The following SLC35F1 variants were observed in gnomAD, a reference collection of about 807,000 sequenced individuals.
SLC35F1 encodes solute carrier family 35 member F1, also known as chromosome 6 open reading frame 169.
Under a neutral mutation model 48.7 loss-of-function variants are expected in SLC35F1, and 14 were observed. The ratio of observed to expected loss-of-function variants is 0.29; its 90% CI spans 0.19 to 0.45. SLC35F1 has a LOEUF of 0.45. Among genes scored for constraint, SLC35F1 ranks in the 20% least tolerant of loss-of-function variants. The pLI is 1.00. For synonymous variants in SLC35F1, 190 were observed against 202.2 expected, an observed-to-expected ratio of 0.94 and a Z score of 0.51; for missense variants, 404 against 500.0, an observed-to-expected ratio of 0.81 and a Z score of 1.83.
At chr6:118,229,444 C>T (rs545420047) in intron 2 of SLC35F1, among the ~76,000 whole-genome samples, 11 of 152,178 alleles carry the variant, frequency 7.2e-5, no homozygotes, top group Admixed American at 6.5e-4. Context: ...TGACAGGCAC[C>T]CCTGGAGTTG....
intron 1 of SLC35F1, among the ~76,000 whole-genome samples, chr6:117,971,743 C>G (rs2114843451): frequency 6.6e-6 from 1 of 152,374 alleles, no homozygotes; most frequent in African/African-American, 2.4e-5. Context: ...CTGACCTGTA[C>G]ATTGGCCCCT....
intron 1 of SLC35F1, among the ~76,000 whole-genome samples, chr6:117,956,453 C>G (rs927528968): frequency 1.9e-4 from 29 of 152,140 alleles, no homozygotes; most frequent in African/African-American, 6.8e-4. Flanking sequence ...GGATTCTGCC[C>G]CTTGCATTGT....
At chr6:118,105,708 A>G (rs1392129572) in intron 1 of SLC35F1, among the ~76,000 whole-genome samples, 1 of 152,086 alleles carries the variant, frequency 6.6e-6, no homozygotes, top group African/African-American at 2.4e-5. Flanking sequence ...AGATAAAACA[A>G]TTTTTCATTT....
At chr6:118,259,621 G>T (rs923744981) in intron 3 of SLC35F1, among the ~76,000 whole-genome samples, 2 of 147,602 alleles carry the variant, frequency 1.4e-5, no homozygotes, top group African/African-American at 4.9e-5. Flanking sequence ...TACTAAAAGG[G>T]GTTTAATATC....
At chr6:118,151,046 T>C (rs1228070853) in intron 1 of SLC35F1, among the ~76,000 whole-genome samples, 2 of 152,174 alleles carry the variant, frequency 1.3e-5, no homozygotes, top group African/African-American at 4.8e-5. Context: ...CCTCATTCTC[T>C]CTACCCTCTA....
intron 1 of SLC35F1, among the ~76,000 whole-genome samples, chr6:118,078,191 T>C (rs1053734048): frequency 1.3e-5 from 2 of 152,220 alleles, no homozygotes; most frequent in African/African-American, 2.4e-5. Flanking sequence ...CATATTTCTA[T>C]TCAAAGTTTA....
At chr6:118,038,783 G>A (rs944822463) in intron 1 of SLC35F1, among the ~76,000 whole-genome samples, 7 of 151,960 alleles carry the variant, frequency 4.6e-5, no homozygotes, top group African/African-American at 1.7e-4. Context: ...AACCATTCAT[G>A]GTTAATTTTT....
At chr6:118,301,197 T>C (rs1776251922) in intron 7 of SLC35F1, among the ~76,000 whole-genome samples, 1 of 152,226 alleles carries the variant, frequency 6.6e-6, no homozygotes, top group Non-Finnish European at 1.5e-5. Flanking sequence ...ATTTTTTTAA[T>C]GAAGGTTTAT....
At chr6:118,011,009 T>C (rs1008013248) in intron 1 of SLC35F1, among the ~76,000 whole-genome samples, 2 of 152,166 alleles carry the variant, frequency 1.3e-5, no homozygotes, top group African/African-American at 4.8e-5. Context: ...GCAGATGGAT[T>C]GATATTGACA....
At chr6:117,929,000 T>A (rs1402109755) in intron 1 of SLC35F1, among the ~76,000 whole-genome samples, 1 of 152,108 alleles carries the variant, frequency 6.6e-6, no homozygotes, top group East Asian at 1.9e-4. Flanking sequence ...AGGAAACCAA[T>A]CATCAGGCCT....
chr6:118,150,899 T>C (rs1029818930), intron 1 of SLC35F1, among the ~76,000 whole-genome samples: 1 of 152,180 alleles, frequency 6.6e-6, no homozygotes, highest in African/African-American at 2.4e-5. Flanking sequence ...CATTTCCTTT[T>C]CACTTAGTCA....
intron 2 of SLC35F1, among the ~76,000 whole-genome samples, chr6:118,190,529 G>C (rs943680622): frequency 2.6e-5 from 4 of 151,980 alleles, no homozygotes; most frequent in African/African-American, 7.3e-5. Context: ...CACTCTCAGC[G>C]TGATTTTGGG....
At chr6:117,989,318 C>A (rs566421222) in intron 1 of SLC35F1, among the ~76,000 whole-genome samples, 1 of 152,326 alleles carries the variant, frequency 6.6e-6, no homozygotes, top group East Asian at 1.9e-4. Context: ...CATCTCTGTA[C>A]TGTCAAAGCA....
chr6:118,182,655 G>A (rs928989032), intron 2 of SLC35F1, among the ~76,000 whole-genome samples: 1 of 152,004 alleles, frequency 6.6e-6, no homozygotes, highest in African/African-American at 2.4e-5. Flanking sequence ...GATTGCATGA[G>A]GCCAGGAGTT....
At chr6:118,140,639 A>G (rs1458122966) in intron 1 of SLC35F1, among the ~76,000 whole-genome samples, 1 of 151,910 alleles carries the variant, frequency 6.6e-6, no homozygotes, top group Non-Finnish European at 1.5e-5. Context: ...AACAGCCTCA[A>G]ACAGGTCCTT....
chr6:118,052,551 G>A (rs1040770050), intron 1 of SLC35F1, among the ~76,000 whole-genome samples: 8 of 152,100 alleles, frequency 5.3e-5, no homozygotes, highest in East Asian at 1.9e-4. Context: ...AATTTTAATC[G>A]AATTACTAGT....
intron 6 of SLC35F1, among the ~76,000 whole-genome samples, chr6:118,284,145 G>A (rs1468954379): frequency 6.6e-6 from 1 of 152,186 alleles, no homozygotes; most frequent in South Asian, 2.1e-4. Context: ...TAGTCAGAAA[G>A]ACCAGATATT....
chr6:118,046,470 T>C (rs1324582284), intron 1 of SLC35F1, among the ~76,000 whole-genome samples: 1 of 152,166 alleles, frequency 6.6e-6, no homozygotes, highest in African/African-American at 2.4e-5. Context: ...AAGAGAAGCA[T>C]GGAAATTTGG....
chr6:118,265,241 C>T (rs919536401), intron 3 of SLC35F1, among the ~76,000 whole-genome samples: 3 of 152,170 alleles, frequency 2.0e-5, no homozygotes, highest in African/African-American at 4.8e-5. Flanking sequence ...TTTGCAAATA[C>T]GCAAACCTTT....
Sources: gnomAD v4.1 joint callset for allele counts (sites outside exome capture counted in the v4.1 genomes callset) on GRCh38, gnomAD v4.1.1 for gene constraint, MANE v1.5 for transcripts, NCBI Gene and HGNC (gene_info 2026-07-23, HGNC 2026-07-21) for gene names.